ZFHX3: variants seen among roughly 807,000 people sequenced by gnomAD.
The protein encoded by ZFHX3 is zinc finger homeobox protein 3.
In ZFHX3, 42 loss-of-function variants were observed where a neutral mutation model predicts 279.1. That is an observed-to-expected ratio of 0.15 (90% CI 0.12 to 0.19). The LOEUF (loss-of-function observed/expected upper bound fraction) is 0.19, where lower values mean the gene tolerates loss of function less well. Among genes scored for constraint, ZFHX3 ranks in the 10% least tolerant of loss-of-function variants. ZFHX3 has a pLI of 1.00. For synonymous variants in ZFHX3, 2,293 were observed against 1,957.8 expected (o/e 1.17, Z -4.52); for missense variants, 4,981 against 4,754.0 (o/e 1.05, Z -1.40).
chr16:72,984,193 C>T (rs1962745652), intron 1 of ZFHX3, among the ~76,000 whole-genome samples: 1 of 152,214 alleles, frequency 6.6e-6, no homozygotes, highest in South Asian at 2.1e-4. Flanking sequence ...GAGGAATAAG[C>T]AAGCCACAGG....
intron 1 of ZFHX3, among the ~76,000 whole-genome samples, chr16:73,765,206 C>T (rs773892182): frequency 3.9e-5 from 6 of 152,050 alleles, no homozygotes; most frequent in Non-Finnish European, 8.8e-5. Context: ...CATGGGTTAC[C>T]CAAGCAACCG....
chr16:73,294,811 C>CAA lies in ZFHX3; in HGVS notation c.-1194+23427_-1194+23428dup, dbSNP rs113664978. Among the ~76,000 whole-genome samples, 134 of 132,902 alleles carry CAA rather than the reference C, an allele frequency of 1.0e-3. 1 individual carries two copies. Among genetic ancestry groups the CAA allele is most frequent in the Middle Eastern group, 3.9e-3 (1 of 254 alleles). 87.2% of individuals were successfully genotyped at this position (132,902 alleles called of 152,430 possible). The stretch of plus-strand genomic sequence containing the variant: ...TGGGCAACAAAGTAAGACTCCATCT[C>CAA]AAAAAAAAAAAAACCAAAAAACAAA... On this transcript the variant is annotated intron_variant, in intron 4 of 17. Coordinates refer to the ZFHX3 transcript ENST00000641206.
At chr16:73,367,629 G>A (rs1470139903) in intron 3 of ZFHX3, among the ~76,000 whole-genome samples, 2 of 152,164 alleles carry the variant, frequency 1.3e-5, no homozygotes, top group African/African-American at 4.8e-5. Context: ...TGGAAAGAAT[G>A]AAAGGGACTT....
chr16:73,603,673 C>T (rs1197738032), intron 2 of ZFHX3, among the ~76,000 whole-genome samples: 1 of 151,868 alleles, frequency 6.6e-6, no homozygotes, highest in African/African-American at 2.4e-5. Context: ...AGTTACATGG[C>T]CAACACTCGG....
In ZFHX3 at chr16:73,629,706, A is replaced by G. The variant is rs553245366; in HGVS notation, c.-1547+50474T>C. Among the ~76,000 whole-genome samples, 8 of 152,256 alleles carry G rather than the reference A, an allele frequency of 5.3e-5. No homozygotes were observed. In the East Asian group the frequency reaches 1.5e-3, roughly 29 times the overall value. ...GAAAAAACCCTATAGCATGTCCATC[A>G]CCTGTGCTTGGGAGATGGACATAAA... On this transcript the variant is annotated intron_variant, in intron 2 of 17. Transcript: ENST00000641206.
intron 1 of ZFHX3, among the ~76,000 whole-genome samples, chr16:73,843,159 C>T (rs938314776): frequency 1.3e-5 from 2 of 152,226 alleles, no homozygotes; most frequent in South Asian, 2.1e-4. Context: ...ATAACTGGCA[C>T]GAAGTGAAGT....
At chr16:73,025,813 A>G (rs1399014223) in intron 1 of ZFHX3, among the ~76,000 whole-genome samples, 4 of 152,210 alleles carry the variant, frequency 2.6e-5, no homozygotes, top group Non-Finnish European at 5.9e-5. Flanking sequence ...CAACTCTTTC[A>G]GGATAAAAAT....
chr16:72,849,430 G>A (rs893421619), intron 4 of ZFHX3, among the ~76,000 whole-genome samples: 3 of 152,102 alleles, frequency 2.0e-5, no homozygotes, highest in Admixed American at 6.5e-5. Flanking sequence ...ATGTGCTTAC[G>A]TTTGGAATAA....
chr16:73,525,309 A>AGT (rs2019672887), intron 2 of ZFHX3, among the ~76,000 whole-genome samples: 1 of 152,224 alleles, frequency 6.6e-6, no homozygotes, highest in Non-Finnish European at 1.5e-5. Context: ...AAAGCTTTCC[A>AGT]CACAAAATCC....
At chr16:72,845,536 C>A (rs2037456656) in intron 4 of ZFHX3, among the ~76,000 whole-genome samples, 1 of 152,200 alleles carries the variant, frequency 6.6e-6, no homozygotes, top group African/African-American at 2.4e-5. Context: ...CACATCACTG[C>A]CCCACGCCAC....
intron 3 of ZFHX3, among the ~76,000 whole-genome samples, chr16:73,367,470 C>G (rs1456193120): frequency 6.6e-6 from 1 of 152,174 alleles, no homozygotes; most frequent in African/African-American, 2.4e-5. Context: ...GTCATGTGTT[C>G]AAGCTGGCCC....
chr16:73,101,097 G>A (rs1373506497), intron 7 of ZFHX3, among the ~76,000 whole-genome samples: 2 of 151,898 alleles, frequency 1.3e-5, no homozygotes, highest in African/African-American at 4.8e-5. Flanking sequence ...TCAGCTCTGA[G>A]TCCCGCTTGC....
chr16:73,475,500 T>G (rs2018750257), intron 2 of ZFHX3, among the ~76,000 whole-genome samples: 1 of 152,162 alleles, frequency 6.6e-6, no homozygotes. Context: ...GATGTATATT[T>G]TAAACATTAT....
intron 2 of ZFHX3, among the ~76,000 whole-genome samples, chr16:73,517,338 C>G (rs555332563): frequency 6.6e-6 from 1 of 152,206 alleles, no homozygotes; most frequent in Non-Finnish European, 1.5e-5. Flanking sequence ...GCTCCCTCAA[C>G]AGACTTGGCC....
Position 72,839,355 on chromosome 16 carries a change from A to C in ZFHX3, c.3449-9496T>G, listed in dbSNP as rs1336570314. On this transcript the variant is annotated intron_variant, in intron 4 of 9. Transcript: ENST00000268489. ...TCAATTGTACTTCATTTAAAACGTG[A>C]TCTAACAAATGCATTTTGACAAGTT... 3.3e-5 allele frequency among the ~76,000 whole-genome samples: 5 copies of C among 152,128 alleles called. No homozygotes were observed. The East Asian group carries it at 9.7e-4, about 29-fold the overall frequency.
intron 1 of ZFHX3, among the ~76,000 whole-genome samples, chr16:73,055,585 C>A (rs1965529291): frequency 6.6e-6 from 1 of 152,088 alleles, no homozygotes; most frequent in Non-Finnish European, 1.5e-5. Flanking sequence ...TCACAGAGTC[C>A]TGAAAAGCTG....
chr16:73,771,467 G>A (rs2054017132), intron 1 of ZFHX3, among the ~76,000 whole-genome samples: 1 of 152,208 alleles, frequency 6.6e-6, no homozygotes, highest in African/African-American at 2.4e-5. Context: ...CAGTGCCTAT[G>A]TAAAGCAATG....
chr16:72,789,289 C>G (rs2035598347), intron 9 of ZFHX3: 1 of 158,942 alleles, frequency 6.3e-6, no homozygotes, highest in Non-Finnish European at 1.4e-5. Flanking sequence ...AAACAACTTC[C>G]AACACCTTCC....
intron 3 of ZFHX3, among the ~76,000 whole-genome samples, chr16:72,921,069 C>CAAAAAAAAAAAAAAAA (rs57294537): frequency 4.2e-5 from 1 of 23,584 alleles, no homozygotes; most frequent in African/African-American, 1.4e-4. Flanking sequence ...CAGACCTTGT[C>CAAAAAAAAAAAAAAAA]AAAAAAAAAA....
Sources: allele counts gnomAD v4.1 joint callset (sites outside exome capture counted in the v4.1 genomes callset), GRCh38; gene constraint gnomAD v4.1.1; transcripts MANE v1.5; gene names NCBI Gene and HGNC (gene_info 2026-07-23, HGNC 2026-07-21).